The following PLA2G6 variants were observed in gnomAD, a reference collection of about 807,000 sequenced individuals.
The protein encoded by PLA2G6 is phospholipase A2 group VI.
In PLA2G6, 62 loss-of-function variants were observed where a neutral mutation model predicts 83.8. The observed-to-expected ratio is 0.74, with a 90% CI of 0.60 to 0.91. PLA2G6 has a LOEUF of 0.91. Among genes scored for constraint, PLA2G6 ranks in the 40% least tolerant of loss-of-function variants. The probability of loss-of-function intolerance (pLI) is 0.00; values close to 1 mark genes in which losing one functional copy is unlikely to be tolerated. For synonymous variants in PLA2G6, 417 were observed against 449.8 expected (o/e 0.93, Z 0.92); for missense variants, 944 against 1,102.0 (o/e 0.86, Z 2.03).
chr22:38,161,281 T>C (rs187410599), intron 2 of PLA2G6, among the ~76,000 whole-genome samples: 143 of 152,234 alleles, frequency 9.4e-4, no homozygotes, highest in Non-Finnish European at 9.1e-4. Flanking sequence ...TGCTGGCTGA[T>C]AGAGTTCCTG....
Position 38,140,119 on chromosome 22 carries a change from C to A in PLA2G6, c.660G>T (p.Gly220=). 1 of 1,614,162 alleles carries A rather than the reference C, an allele frequency of 6.2e-7. No homozygotes were observed. ...GGCAGGCCAGGTGCAGCGGGGTCAG[C>A]CCTTGGTTATTCACCTGGTTCAGGC... ...VAGLNQVNNQ[G]LTPLHLACQL... is the part of the protein sequence containing the mutation. The change falls in exon 5 of 17, where the codon GGG becomes GGT. Residue 220 remains glycine (G), a synonymous_variant. Transcript: ENST00000332509.
intron 5 of PLA2G6, chr22:38,138,111 GAAGA>G (rs2088666618): frequency 6.6e-6 from 1 of 152,378 alleles, no homozygotes; most frequent in Non-Finnish European, 1.5e-5. Context: ...GAGGTTGTTT[GAAGA>G]GAGAGAAAAC....
In PLA2G6 at chr22:38,123,325, C is replaced by T; in HGVS notation, c.1428-67G>A. 1 of 1,489,204 alleles carries T rather than the reference C, an allele frequency of 6.7e-7. No homozygotes were observed. Among genetic ancestry groups the T allele is most frequent in the African/African-American group, 1.4e-5 (1 of 71,954 alleles). The allele number at this position is 1,489,204 out of a possible 1,614,324, so 92.2% of individuals were successfully genotyped here. A position where few individuals can be genotyped will look rare whatever the true frequency, so the allele number is the denominator to read the frequency against. ...CAGCCCAGTACTTTACATCCACCCT[C>T]ATAGCCCTTGTCCCCTGCAGCTGTG... is the stretch of plus-strand genomic sequence containing the variant. On this transcript the variant is annotated intron_variant, in intron 10 of 16. Transcript: ENST00000332509. The surrounding 1 kb of genome is among the most constrained non-coding windows in gnomAD (Gnocchi z 4.1).
Position 38,116,851 on chromosome 22 carries a change from CAAAAAAAAAAAA to C in PLA2G6, c.1743-652_1743-641del, listed in dbSNP as rs57712042. 1.1e-4 allele frequency among the ~76,000 whole-genome samples: 4 copies of C among 37,658 alleles called. No individual in the cohort carries two copies. The East Asian group carries it at 3.1e-3, about 29-fold the overall frequency. The allele number at this position is 37,658 out of a possible 152,430, so 24.7% of individuals were successfully genotyped here. ...GGGCGATAAGAGTGAAACTCCGTCTCAAAAAAAAAAAAAAAAAAAAAAAAACAGAATATTTTG... is the reference window on the plus strand; with the variant it reads ...GGGCGATAAGAGTGAAACTCCGTCTCAAAAAAAAAAAAACAGAATATTTTG... On this transcript the variant is annotated intron_variant, in intron 12 of 16. Transcript: ENST00000332509.
chr22:38,126,704 C>T (rs1289023374), intron 9 of PLA2G6: 2 of 518,592 alleles, frequency 3.9e-6, no homozygotes, highest in African/African-American at 3.9e-5. Context: ...CCACCCTGCC[C>T]AGCCAGCTCC....
At chr22:38,115,397 G>A in intron 14 of PLA2G6, 130 bp downstream of exon 14, 1 of 789,894 alleles carries the variant, frequency 1.3e-6, no homozygotes, top group African/African-American at 1.7e-5. Context: ...TTTGCCCTGT[G>A]TGCACATATG....
At chr22:38,178,167 T>C (rs2090708704) in intron 1 of PLA2G6, among the ~76,000 whole-genome samples, 1 of 152,196 alleles carries the variant, frequency 6.6e-6, no homozygotes, top group Non-Finnish European at 1.5e-5. Flanking sequence ...TAAGAGATCT[T>C]TGGGCTGGTG....
chr22:38,170,303 C>T (rs1306506200), intron 1 of PLA2G6, among the ~76,000 whole-genome samples: 2 of 152,014 alleles, frequency 1.3e-5, no homozygotes, highest in Non-Finnish European at 2.9e-5. Flanking sequence ...ATGTCACACT[C>T]TATCGGAGCA....
intron 2 of PLA2G6, among the ~76,000 whole-genome samples, chr22:38,163,220 C>T (rs979100594): frequency 3.9e-5 from 6 of 152,178 alleles, no homozygotes; most frequent in African/African-American, 1.4e-4. Flanking sequence ...CCCACAGGGC[C>T]CCTCCTCTGT....
At chr22:38,116,355 T>A (rs2087196377) in intron 12 of PLA2G6, 144 bp from the exon 13 acceptor site, 4 of 897,196 alleles carry the variant, frequency 4.5e-6, no homozygotes, top group Non-Finnish European at 7.3e-6. Flanking sequence ...CCCCGCACCA[T>A]CCCCGCAAAA....
chr22:38,151,531 G>A (rs2284065), intron 2 of PLA2G6, among the ~76,000 whole-genome samples: 14,637 of 152,176 alleles, frequency 0.096, 1,765 homozygotes, highest in African/African-American at 0.28. Flanking sequence ...GTGAGCCATC[G>A]TGCTGGGCCA....
Position 38,116,042 on chromosome 22 carries a change from G to A in PLA2G6, c.1879+33C>T, listed in dbSNP as rs376222969. 27 of 1,610,798 alleles carry A rather than the reference G, an allele frequency of 1.7e-5. No homozygotes were observed. The Admixed American group carries it at 2.0e-4, about 12-fold the overall frequency. ...CACCCCACAGCCTCTCGGGCCAGTC[G>A]CTTCCCATGGATGCATCAAACATGG... On this transcript the variant is annotated intron_variant, in intron 13 of 16. Transcript: ENST00000332509.
At chr22:38,177,148 G>A in intron 1 of PLA2G6, among the ~76,000 whole-genome samples, 1 of 152,096 alleles carries the variant, frequency 6.6e-6, no homozygotes, top group East Asian at 1.9e-4. Context: ...TTGTGGTGGG[G>A]GATTGCCTGC....
chr22:38,114,219 C>G (rs2087050297), intron 14 of PLA2G6, among the ~76,000 whole-genome samples: 2 of 149,186 alleles, frequency 1.3e-5, no homozygotes, highest in Non-Finnish European at 3.0e-5. Context: ...CTCGCTCTGT[C>G]TCCCAGTCTG....
Position 38,147,538 on chromosome 22 carries a change from CTTT to C in PLA2G6, c.210-1888_210-1886del, listed in dbSNP as rs35795447. 1.9e-4 allele frequency: 24 copies of C among 125,292 alleles called. No homozygotes were observed. The Middle Eastern group carries it at 0.012, about 61-fold the overall frequency. 7.8% of individuals were successfully genotyped at this position (125,292 alleles called of 1,614,324 possible). On this transcript the variant is annotated intron_variant, in intron 2 of 16. Coordinates refer to ENST00000332509, the MANE Select transcript of PLA2G6 (RefSeq NM_003560.4). ...ATAAAATGCTCTGCCCTCCTGAAGCCTTTTTTTTTTTTTTTTTTTTGAGACAGA... is the reference window on the plus strand; with the variant it reads ...ATAAAATGCTCTGCCCTCCTGAAGCCTTTTTTTTTTTTTTTTTGAGACAGA...
intron 10 of PLA2G6, among the ~76,000 whole-genome samples, chr22:38,125,215 T>G (rs930837463): frequency 6.6e-6 from 1 of 152,142 alleles, no homozygotes; most frequent in Non-Finnish European, 1.5e-5. Flanking sequence ...CATGCACGTG[T>G]GTTTGCATGT....
At chr22:38,143,952 C>T (rs532995388) in intron 3 of PLA2G6, 3 of 177,726 alleles carry the variant, frequency 1.7e-5, no homozygotes, top group African/African-American at 7.1e-5. Context: ...CCACGTTGGC[C>T]AGGCTGGTCT....
Position 38,112,055 on chromosome 22 carries a change from C to G in PLA2G6, c.*106G>C, listed in dbSNP as rs1400634851. On this transcript the variant is annotated 3_prime_UTR_variant, in exon 17 of 17. Transcript: ENST00000332509. Reference sequence around the variant, plus strand: ...TTCTCCCAGGCCTGGTCTATGGACTCAGAGGTGCCTGGGCCCAGATCTGCC... The same window carrying G: ...TTCTCCCAGGCCTGGTCTATGGACTGAGAGGTGCCTGGGCCCAGATCTGCC... 1.8e-5 allele frequency: 24 copies of G among 1,345,156 alleles called. No individual in the cohort carries two copies. The East Asian group carries it at 6.0e-4, about 34-fold the overall frequency. The allele number at this position is 1,345,156 out of a possible 1,614,324, so 83.3% of individuals were successfully genotyped here.
chr22:38,120,673 C>T (rs541823319), intron 12 of PLA2G6, 86 bp downstream of exon 12: 2 of 1,519,862 alleles, frequency 1.3e-6, no homozygotes, highest in African/African-American at 2.7e-5. Context: ...TTCCCCCTCC[C>T]TCAGCAGGAC....
Sources: gnomAD v4.1 joint callset for allele counts (sites outside exome capture counted in the v4.1 genomes callset) on GRCh38, gnomAD v4.1.1 for gene constraint, Gnocchi (gnomAD v3.1) non-coding constraint, MANE v1.5 for transcripts, NCBI Gene and HGNC (gene_info 2026-07-23, HGNC 2026-07-21) for gene names.